The following NR3C2 variants were observed in gnomAD, a reference collection of about 807,000 sequenced individuals.
NR3C2 encodes nuclear receptor subfamily 3 group C member 2.
Under a neutral mutation model 86.4 loss-of-function variants are expected in NR3C2, and 15 were observed. That is an observed-to-expected ratio of 0.17 (90% CI 0.12 to 0.27). The LOEUF (loss-of-function observed/expected upper bound fraction) is 0.27. Ranked by LOEUF, NR3C2 falls within the 10% of genes least tolerant of loss-of-function variation. The probability of loss-of-function intolerance (pLI) is 1.00; values close to 1 mark genes in which losing one functional copy is unlikely to be tolerated. For synonymous variants in NR3C2, 458 were observed against 450.5 expected (o/e 1.02, Z -0.21); for missense variants, 960 against 1,195.6 (o/e 0.80, Z 2.91).
chr4:148,297,499 C>T (rs760787582), intron 2 of NR3C2, among the ~76,000 whole-genome samples: 39 of 152,160 alleles, frequency 2.6e-4, no homozygotes, highest in Non-Finnish European at 1.2e-4. Flanking sequence ...GTGGCTCATG[C>T]CTATAATCCC....
chr4:148,113,653 A>G (rs529880650), intron 8 of NR3C2, among the ~76,000 whole-genome samples: 2 of 152,312 alleles, frequency 1.3e-5, no homozygotes, highest in South Asian at 2.1e-4. Flanking sequence ...GAATAACCCT[A>G]TGGTTTAAGA....
intron 2 of NR3C2, among the ~76,000 whole-genome samples, chr4:148,332,169 C>T (rs930183580): frequency 1.3e-5 from 2 of 152,016 alleles, no homozygotes; most frequent in African/African-American, 4.8e-5. Flanking sequence ...CTGAGTGAAT[C>T]GTATAGTATG....
At chr4:148,242,366 G>A (rs1184695293) in intron 3 of NR3C2, among the ~76,000 whole-genome samples, 1 of 152,118 alleles carries the variant, frequency 6.6e-6, no homozygotes, top group Non-Finnish European at 1.5e-5. Context: ...AAGCAATCTG[G>A]CAACATTTCT....
At chr4:148,337,867 A>G (rs1218297276) in intron 2 of NR3C2, among the ~76,000 whole-genome samples, 2 of 152,182 alleles carry the variant, frequency 1.3e-5, no homozygotes, top group Non-Finnish European at 2.9e-5. Flanking sequence ...AAGGACGTAG[A>G]ATAAAGGGTG....
At chr4:148,296,499 C>T (rs61760327) in intron 2 of NR3C2, among the ~76,000 whole-genome samples, 365 of 152,054 alleles carry the variant, frequency 2.4e-3, no homozygotes, top group Non-Finnish European at 3.6e-3. Flanking sequence ...ATCATTGAAA[C>T]CAAACGACTT....
chr4:148,114,179 A>G lies in NR3C2; in HGVS notation c.2724T>C (p.Thr908=), dbSNP rs369982195. The change falls in exon 8 of 9, where the codon ACT becomes ACC. Residue 908 remains threonine, a synonymous_variant. Coordinates refer to ENST00000358102, the MANE Select transcript of NR3C2 (RefSeq NM_000901.5). ...TCTGCCCAGAATTGTTGGGACACTT[A>G]GTTACCATCTTCCTCAGTTCTTTGA... ...NYIKELRKMV[T]KCPNNSGQSW... 2.5e-5 allele frequency: 40 copies of G among 1,613,764 alleles called. No individual in the cohort carries two copies. Among genetic ancestry groups the G allele is most frequent in the Non-Finnish European group, 3.1e-5 (37 of 1,179,954 alleles).
At chr4:148,109,708 C>T (rs1731965639) in intron 8 of NR3C2, among the ~76,000 whole-genome samples, 1 of 152,078 alleles carries the variant, frequency 6.6e-6, no homozygotes, top group Non-Finnish European at 1.5e-5. Flanking sequence ...CACTATTTAT[C>T]AGGGGTCAGG....
At chr4:148,266,066 A>G (rs952086930) in intron 2 of NR3C2, among the ~76,000 whole-genome samples, 3 of 141,112 alleles carry the variant, frequency 2.1e-5, no homozygotes, top group Non-Finnish European at 3.0e-5. Flanking sequence ...AAATAGCTCC[A>G]GAAGGCCGCT....
At chr4:148,342,672 C>T (rs2149982801) in intron 2 of NR3C2, among the ~76,000 whole-genome samples, 1 of 152,302 alleles carries the variant, frequency 6.6e-6, no homozygotes, top group Non-Finnish European at 1.5e-5. Context: ...GTGACTAAAA[C>T]TTCTAATCCC....
intron 6 of NR3C2, among the ~76,000 whole-genome samples, chr4:148,148,167 T>G (rs1733954723): frequency 6.6e-6 from 1 of 152,162 alleles, no homozygotes; most frequent in Non-Finnish European, 1.5e-5. Flanking sequence ...AACCTGAGTC[T>G]TCTTCCCTTA....
At chr4:148,137,166 T>C (rs1207785648) in intron 6 of NR3C2, among the ~76,000 whole-genome samples, 2 of 152,142 alleles carry the variant, frequency 1.3e-5, no homozygotes, top group Non-Finnish European at 2.9e-5. Context: ...ACTGGTATGG[T>C]AGCACTATAT....
rs758331252 is a variant in NR3C2, at chr4:148,370,997, GC to G, written c.1757+64106del. ...TCCTCCTGCCTTGGCCTCCCAAGTA[GC>G]TGGGACTACAGGTATGTGCCACCAT... On this transcript the variant is annotated intron_variant, in intron 2 of 8. Coordinates refer to ENST00000358102, the MANE Select transcript of NR3C2 (RefSeq NM_000901.5). Among the ~76,000 whole-genome samples the G allele has an allele frequency of 2.4e-4, 36 of 152,234 alleles. No individual in the cohort carries two copies. In the South Asian group the frequency reaches 2.9e-3, roughly 12 times the overall value.
intron 2 of NR3C2, among the ~76,000 whole-genome samples, chr4:148,316,231 T>C (rs966683633): frequency 2.0e-5 from 3 of 152,228 alleles, no homozygotes; most frequent in South Asian, 4.1e-4. Context: ...ACACACAGGA[T>C]TGTAAGGAAA....
chr4:148,356,923 G>GTGTC (rs1745576067), intron 2 of NR3C2, among the ~76,000 whole-genome samples: 1 of 43,744 alleles, frequency 2.3e-5, no homozygotes, highest in Non-Finnish European at 4.9e-5. Context: ...GTGTGTGTGT[G>GTGTC]TGTGTGTGTG....
Position 148,291,206 on chromosome 4 carries a change from A to T in NR3C2, c.1758-31089T>A, listed in dbSNP as rs72655280. Reference sequence around the variant, plus strand: ...ATTTGGATTTCATTTCCCTCCTCCTAATTACAAACCTGTAATTAGATTATG... The same window carrying T: ...ATTTGGATTTCATTTCCCTCCTCCTTATTACAAACCTGTAATTAGATTATG... On this transcript the variant is annotated intron_variant, in intron 2 of 8. Transcript: ENST00000358102. Among the ~76,000 whole-genome samples, 699 of 152,098 alleles carry T rather than the reference A, an allele frequency of 4.6e-3. 2 individuals are homozygous for T. Among genetic ancestry groups the T allele is most frequent in the African/African-American group, 0.015 (608 of 41,508 alleles).
At chr4:148,279,141 T>C (rs1405155777) in intron 2 of NR3C2, among the ~76,000 whole-genome samples, 1 of 152,042 alleles carries the variant, frequency 6.6e-6, no homozygotes, top group African/African-American at 2.4e-5. Context: ...CCAGCCCAGG[T>C]GACAGTTCAA....
chr4:148,212,969 A>AT (rs1737353205), intron 3 of NR3C2, among the ~76,000 whole-genome samples: 2 of 152,356 alleles, frequency 1.3e-5, no homozygotes, highest in Admixed American at 1.3e-4. Context: ...ATTTTAAGGT[A>AT]TAAAAACTGT....
intron 2 of NR3C2, among the ~76,000 whole-genome samples, chr4:148,381,823 G>A (rs1286450893): frequency 6.6e-6 from 1 of 152,090 alleles, no homozygotes; most frequent in African/African-American, 2.4e-5. Flanking sequence ...CTCTGTTAAC[G>A]CTTGTGTGTA....
intron 2 of NR3C2, among the ~76,000 whole-genome samples, chr4:148,271,277 C>T (rs1740670866): frequency 6.6e-6 from 1 of 152,158 alleles, no homozygotes; most frequent in South Asian, 2.1e-4. Flanking sequence ...GGAAAATGCT[C>T]CTTTAAAAAT....
Sources: gnomAD v4.1 joint callset for allele counts (sites outside exome capture counted in the v4.1 genomes callset) on GRCh38, gnomAD v4.1.1 for gene constraint, MANE v1.5 for transcripts, NCBI Gene and HGNC (gene_info 2026-07-23, HGNC 2026-07-21) for gene names.